Variants in TRAF3 observed in about 807,000 individuals in gnomAD.
The protein encoded by TRAF3 is TNF receptor-associated factor 3.
In TRAF3, 13 loss-of-function variants were observed where a neutral mutation model predicts 62.3. The observed-to-expected ratio is 0.21, with a 90% CI of 0.14 to 0.33. TRAF3 has a LOEUF of 0.33. Ranked by LOEUF, TRAF3 falls within the 10% of genes least tolerant of loss-of-function variation. TRAF3 has a pLI of 1.00. For synonymous variants in TRAF3, 269 were observed against 283.4 expected, an observed-to-expected ratio of 0.95 and a Z score of 0.51; for missense variants, 440 against 741.8, an observed-to-expected ratio of 0.59 and a Z score of 4.73.
In TRAF3 at chr14:102,790,663, C is replaced by G. The variant is rs566316407; in HGVS notation, c.-157+12988C>G. Among the ~76,000 whole-genome samples, 8 of 152,280 alleles carry G rather than the reference C, an allele frequency of 5.3e-5. No individual in the cohort carries two copies. The South Asian group carries it at 1.7e-3, about 32-fold the overall frequency. ...ACCCCCACGATTCAGTTACCTCCCC[C>G]TGGGTTCCTTCCCATAACATGTGGG... On this transcript the variant is annotated intron_variant, in intron 1 of 11. Transcript: ENST00000392745.
intron 2 of TRAF3, among the ~76,000 whole-genome samples, chr14:102,849,144 G>A (rs1262337374): frequency 6.6e-6 from 1 of 152,128 alleles, no homozygotes; most frequent in African/African-American, 2.4e-5. Flanking sequence ...ACAATTGATC[G>A]AAACATTATA....
chr14:102,823,157 G>A (rs967166612), intron 1 of TRAF3, among the ~76,000 whole-genome samples: 13 of 152,130 alleles, frequency 8.5e-5, no homozygotes, highest in African/African-American at 2.2e-4. Flanking sequence ...GGGAATGAGC[G>A]GGGAGCTTTT....
chr14:102,852,562 A>G (rs181471056), intron 2 of TRAF3, among the ~76,000 whole-genome samples: 4 of 152,212 alleles, frequency 2.6e-5, no homozygotes, highest in Admixed American at 1.3e-4. Context: ...TTTTTCATTG[A>G]CTTCTAATAT....
chr14:102,848,700 A>G (rs548714748), intron 2 of TRAF3, among the ~76,000 whole-genome samples: 1 of 152,352 alleles, frequency 6.6e-6, no homozygotes, highest in East Asian at 1.9e-4. Context: ...CTCTTAATCA[A>G]TAGAATACTT....
At chr14:102,831,814 A>T (rs1364300985) in intron 2 of TRAF3, among the ~76,000 whole-genome samples, 1 of 151,996 alleles carries the variant, frequency 6.6e-6, no homozygotes, top group Non-Finnish European at 1.5e-5. Context: ...ATTCATCATC[A>T]TGGGTAGTTT....
chr14:102,888,111 G>A (rs534425998), intron 7 of TRAF3, among the ~76,000 whole-genome samples: 4 of 152,316 alleles, frequency 2.6e-5, no homozygotes, highest in Admixed American at 2.0e-4. Flanking sequence ...CAGTGTGTCA[G>A]TGTGTCCCTG....
intron 7 of TRAF3, among the ~76,000 whole-genome samples, 200 bp from the exon 8 acceptor site, chr14:102,889,360 T>C (rs370181750): frequency 7.9e-5 from 12 of 152,272 alleles, no homozygotes; most frequent in East Asian, 5.8e-4. Context: ...TGTATTCTTG[T>C]ATATTGGCGT....
rs1338975998 is a variant in TRAF3, at chr14:102,906,188, AAGG to A, written c.*407_*409del. 4 of 169,098 alleles carry A rather than the reference AAGG, an allele frequency of 2.4e-5. No homozygotes were observed. Among genetic ancestry groups the A allele is most frequent in the Non-Finnish European group, 5.2e-5 (4 of 77,424 alleles). The allele number at this position is 169,098 out of a possible 1,614,324, so 10.5% of individuals were successfully genotyped here. ...CTGGACATGTCAGCATGTTAAGTAA[AAGG>A]AGAATTTATGAAATAGTAATGCAAT... is the stretch of plus-strand genomic sequence containing the variant. On this transcript the variant is annotated 3_prime_UTR_variant, in exon 12 of 12. Transcript: ENST00000392745.
intron 6 of TRAF3, among the ~76,000 whole-genome samples, chr14:102,881,411 GA>G (rs1889057130): frequency 1.4e-5 from 2 of 144,758 alleles, no homozygotes; most frequent in Non-Finnish European, 3.0e-5. Flanking sequence ...AAAAAAAAAA[GA>G]AAAAAAGGAA....
intron 9 of TRAF3, 50 bp downstream of exon 9, chr14:102,891,467 A>G (rs1889710065): frequency 6.4e-7 from 1 of 1,556,426 alleles, no homozygotes; most frequent in African/African-American, 1.4e-5. Context: ...ATCTCTTCAG[A>G]TTATTTAAAG....
intron 6 of TRAF3, among the ~76,000 whole-genome samples, chr14:102,883,777 G>A (rs1276415085): frequency 6.6e-6 from 1 of 152,042 alleles, no homozygotes; most frequent in African/African-American, 2.4e-5. Flanking sequence ...GTAGCGACGG[G>A]GTTTCACCAT....
intron 1 of TRAF3, among the ~76,000 whole-genome samples, chr14:102,800,838 G>A (rs1898361987): frequency 6.6e-6 from 1 of 151,802 alleles, no homozygotes; most frequent in Non-Finnish European, 1.5e-5. Flanking sequence ...GAGGACTACA[G>A]GCTTGTGCCG....
rs1566817849 is a variant in TRAF3 at position 102,909,932 on chromosome 14, A to G, written c.*4148A>G. On this transcript the variant is annotated 3_prime_UTR_variant, in exon 12 of 12. Coordinates refer to ENST00000392745, the MANE Select transcript of TRAF3 (RefSeq NM_145725.3). ...GTTGGACAAAGGAAGGGGAGTCTGG[A>G]TGGGTCCTTAAACGACCATTCTGTC... 1 of 152,236 alleles carries G rather than the reference A, an allele frequency of 6.6e-6. No homozygotes were observed. The highest frequency in any genetic ancestry group is 1.5e-5 in the Non-Finnish European group (1 of 68,060). The allele number at this position is 152,236 out of a possible 1,614,324, so 9.4% of individuals were successfully genotyped here.
chr14:102,779,269 C>CTTTTTTTTTTTTTTTTT lies in TRAF3; in HGVS notation c.-157+1607_-157+1623dup, dbSNP rs61309052. The stretch of plus-strand genomic sequence containing the variant: ...GAGAGCTGGCCAGGGAGAATTCCAG[C>CTTTTTTTTTTTTTTTTT]TTTTTTTTTTTTTTTTTTTTTTTTT... On this transcript the variant is annotated intron_variant, in intron 1 of 11. Transcript: ENST00000392745. Among the ~76,000 whole-genome samples the CTTTTTTTTTTTTTTTTT allele has an allele frequency of 2.4e-5, 3 of 123,456 alleles. 1 individual carries two copies. Among genetic ancestry groups the CTTTTTTTTTTTTTTTTT allele is most frequent in the Non-Finnish European group, 1.6e-5 (1 of 62,570 alleles). 81.0% of individuals were successfully genotyped at this position (123,456 alleles called of 152,430 possible). A position where few individuals can be genotyped will look rare whatever the true frequency, so the allele number is the denominator to read the frequency against.
Position 102,905,393 on chromosome 14 carries a change from C to G in TRAF3, c.1316C>G (p.Ser439Cys). ...GAGGCCGTCATGGGGAAGACCCTGT[C>G]CCTTTACAGCCAGCCTTTCTACACT... ...KQEAVMGKTL[S>C]LYSQPFYTGY... Residue 439 changes from serine to cysteine, a missense_variant, in exon 12 of 12, where the codon TCC becomes TGC. Ser to Cys is a moderately radical substitution (Grantham distance 112). Around this residue, in one of 6 missense-constraint regions of TRAF3, gnomAD observed 42 missense variants for 86.1 expected, o/e 0.49. Coordinates refer to ENST00000392745, the MANE Select transcript of TRAF3 (RefSeq NM_145725.3). The G allele has an allele frequency of 6.2e-7, 1 of 1,614,262 alleles. No homozygotes were observed. Among genetic ancestry groups the G allele is most frequent in the Non-Finnish European group, 8.5e-7 (1 of 1,180,052 alleles).
At chr14:102,857,252 C>A (rs1887426010) in intron 2 of TRAF3, among the ~76,000 whole-genome samples, 1 of 152,100 alleles carries the variant, frequency 6.6e-6, no homozygotes, top group Non-Finnish European at 1.5e-5. Context: ...CAGGGTTAGC[C>A]TAAGTTGCAG....
At chr14:102,839,358 A>G (rs149748266) in intron 2 of TRAF3, among the ~76,000 whole-genome samples, 2 of 151,898 alleles carry the variant, frequency 1.3e-5, no homozygotes, top group East Asian at 3.9e-4. Flanking sequence ...AGCTGGGACT[A>G]CAGGTGCACG....
chr14:102,872,037 G>A, intron 4 of TRAF3, 69 bp downstream of exon 4: 1 of 1,526,744 alleles, frequency 6.5e-7, no homozygotes, highest in Non-Finnish European at 9.1e-7. Context: ...CACATAGTTT[G>A]CATTCGGCAC....
intron 1 of TRAF3, among the ~76,000 whole-genome samples, chr14:102,818,358 C>A (rs1005100723): frequency 1.3e-5 from 2 of 152,180 alleles, no homozygotes; most frequent in African/African-American, 4.8e-5. Flanking sequence ...TAAAGTTCTT[C>A]AGCCTTCTTA....
Sources: gnomAD v4.1 joint callset for allele counts (sites outside exome capture counted in the v4.1 genomes callset) on GRCh38, gnomAD v4.1.1 for gene constraint, gnomAD v4.1.1 regional missense constraint, MANE v1.5 for transcripts, NCBI Gene and HGNC (gene_info 2026-07-23, HGNC 2026-07-21) for gene names.